The following TMEM17 variants were observed in gnomAD, a reference collection of about 807,000 sequenced individuals.
The protein encoded by TMEM17 is transmembrane protein 17.
In TMEM17, 15 loss-of-function variants were observed where a neutral mutation model predicts 19.1. The ratio of observed to expected loss-of-function variants is 0.78; its 90% CI spans 0.52 to 1.21. The LOEUF is 1.21. TMEM17 is among the 50% of genes most tolerant of loss of function. The pLI, the probability that TMEM17 is intolerant of heterozygous loss-of-function variation, is 0.00. For synonymous variants in TMEM17, 103 were observed against 86.9 expected (o/e 1.19, Z -1.03); for missense variants, 245 against 242.3 (o/e 1.01, Z -0.07).
At chr2:62,467,687 G>T in the TMEM17 span, among the ~76,000 whole-genome samples, 1 of 152,230 alleles carries the variant, frequency 6.6e-6, no homozygotes, top group East Asian at 1.9e-4. Context: ...TCTGTTTTCT[G>T]GCTGCAGGGC....
chr2:62,478,802 G>A, the TMEM17 span, among the ~76,000 whole-genome samples: 2 of 151,582 alleles, frequency 1.3e-5, no homozygotes, highest in African/African-American at 2.4e-5. Context: ...TTATTATTTT[G>A]AAGTTTACCG....
the TMEM17 span, among the ~76,000 whole-genome samples, chr2:62,464,370 A>G: frequency 3.3e-5 from 5 of 152,164 alleles, no homozygotes; most frequent in Non-Finnish European, 7.4e-5. Flanking sequence ...GCACTCGTGC[A>G]CTCCAGTTCC....
chr2:62,480,095 T>C, the TMEM17 span, among the ~76,000 whole-genome samples: 3 of 152,228 alleles, frequency 2.0e-5, no homozygotes, highest in Admixed American at 6.5e-5. Flanking sequence ...TTTTTGATAA[T>C]AGCCACTCTA....
chr2:62,472,379 A>T, the TMEM17 span, among the ~76,000 whole-genome samples: 1 of 152,142 alleles, frequency 6.6e-6, no homozygotes, highest in African/African-American at 2.4e-5. Context: ...TGTCTATTTG[A>T]TTACTGCAGA....
At chr2:62,478,345 G>A in the TMEM17 span, among the ~76,000 whole-genome samples, 1 of 152,156 alleles carries the variant, frequency 6.6e-6, no homozygotes, top group African/African-American at 2.4e-5. Context: ...TCAGGGAAGG[G>A]AGCAACATGT....
At chr2:62,485,604 T>C in the TMEM17 span, among the ~76,000 whole-genome samples, 6 of 152,344 alleles carry the variant, frequency 3.9e-5, no homozygotes, top group East Asian at 1.2e-3. Flanking sequence ...ACGCAGCTTT[T>C]AATATAAGAT....
In TMEM17 at chr2:62,500,237, A is replaced by C. The variant is rs1679888327; in HGVS notation, c.*972T>G. 6.6e-6 allele frequency: 1 copy of C among 152,222 alleles called. No individual in the cohort carries two copies. The highest frequency in any genetic ancestry group is 2.4e-5 in the African/African-American group (1 of 41,464). The allele number at this position is 152,222 out of a possible 1,614,324, so 9.4% of individuals were successfully genotyped here. The stretch of plus-strand genomic sequence containing the variant: ...GGATGATTTGCTGCTGATACCTTAA[A>C]TATTTAATAATTTATTGTAAAAGCA... On this transcript the variant is annotated 3_prime_UTR_variant, in exon 4 of 4. Coordinates refer to ENST00000335390, the MANE Select transcript of TMEM17 (RefSeq NM_198276.3).
chr2:62,454,535 C>G, the TMEM17 span, among the ~76,000 whole-genome samples: 1 of 152,174 alleles, frequency 6.6e-6, no homozygotes, highest in East Asian at 1.9e-4. Context: ...GGGCCATAGT[C>G]CCCAGGTGTG....
At chr2:62,465,115 C>T in the TMEM17 span, among the ~76,000 whole-genome samples, 1 of 152,210 alleles carries the variant, frequency 6.6e-6, no homozygotes, top group East Asian at 1.9e-4. Context: ...TGGGAAAGGG[C>T]TGTTATGGGT....
chr2:62,466,852 T>G, the TMEM17 span, among the ~76,000 whole-genome samples: 1 of 152,184 alleles, frequency 6.6e-6, no homozygotes, highest in Non-Finnish European at 1.5e-5. Context: ...ACTGCTCAGC[T>G]GCATGCGGGG....
chr2:62,502,659 A>T, intron 2 of TMEM17, 32 bp downstream of exon 2: 1 of 1,533,576 alleles, frequency 6.5e-7, no homozygotes, highest in Non-Finnish European at 8.9e-7. Flanking sequence ...TAACAACGTC[A>T]GGGCAGCAAA....
At chr2:62,479,873 A>G in the TMEM17 span, among the ~76,000 whole-genome samples, 21 of 144,410 alleles carry the variant, frequency 1.5e-4, no homozygotes, top group East Asian at 3.7e-3. Context: ...AGTTAGTGAC[A>G]GAGTGAGACC....
intron 1 of TMEM17, among the ~76,000 whole-genome samples, chr2:62,503,492 C>T (rs1211801878): frequency 2.6e-5 from 4 of 152,204 alleles, no homozygotes; most frequent in Non-Finnish European, 5.9e-5. Context: ...CTCCCCAAAC[C>T]TCTGTGACCC....
chr2:62,492,009 G>C, the TMEM17 span, among the ~76,000 whole-genome samples: 5 of 151,786 alleles, frequency 3.3e-5, no homozygotes, highest in Non-Finnish European at 5.9e-5. Context: ...CGTATTATTA[G>C]ATTTTTAAAA....
In TMEM17 at chr2:62,502,531, T is replaced by G. The variant is rs751055589; in HGVS notation, c.224A>C (p.Tyr75Ser). 6.2e-7 allele frequency: 1 copy of G among 1,605,930 alleles called. No individual in the cohort carries two copies. The highest frequency in any genetic ancestry group is 1.1e-5 in the South Asian group (1 of 90,116). Reference sequence around the variant, plus strand: ...AACAGTGATCACAATGAATTTGTAGTAGTCAGGTAAGATTGAATACTAAAA... The same window carrying G: ...AACAGTGATCACAATGAATTTGTAGGAGTCAGGTAAGATTGAATACTAAAA... ...LHMKYSILPD[Y>S]YKFIVITVII... Residue 75 changes from tyrosine to serine, a missense_variant, in exon 3 of 4, where the codon TAC becomes TCC. By Grantham distance (144) the Tyr-to-Ser change is moderately radical. Transcript: ENST00000335390.
At chr2:62,497,014 GGTGA>G (rs1006400680), downstream of TMEM17, among the ~76,000 whole-genome samples, 11 of 152,220 alleles carry the variant, frequency 7.2e-5, no homozygotes, top group East Asian at 5.8e-4. Flanking sequence ...TAAGAAAGGC[GGTGA>G]GTATTTCATT....
At chr2:62,489,711 C>T in the TMEM17 span, among the ~76,000 whole-genome samples, 6 of 152,110 alleles carry the variant, frequency 3.9e-5, no homozygotes, top group African/African-American at 1.4e-4. Context: ...ATAAATTGGG[C>T]AAGCCTTAGG....
At chr2:62,464,502 A>C in the TMEM17 span, among the ~76,000 whole-genome samples, 1 of 152,212 alleles carries the variant, frequency 6.6e-6, no homozygotes, top group Admixed American at 6.5e-5. Flanking sequence ...CATCAGTATG[A>C]CATACCGAGA....
chr2:62,472,474 T>C, the TMEM17 span, among the ~76,000 whole-genome samples: 1 of 152,224 alleles, frequency 6.6e-6, no homozygotes, highest in African/African-American at 2.4e-5. Context: ...GCGTCTCCCC[T>C]GTCTGTCTCC....
Sources: gnomAD v4.1 joint callset for allele counts (sites outside exome capture counted in the v4.1 genomes callset) on GRCh38, gnomAD v4.1.1 for gene constraint, MANE v1.5 for transcripts, NCBI Gene and HGNC (gene_info 2026-07-23, HGNC 2026-07-21) for gene names.